Variants in RPS6KC1 observed in about 807,000 individuals in gnomAD.
The protein encoded by RPS6KC1 is ribosomal protein S6 kinase C1.
Under a neutral mutation model 103.8 loss-of-function variants are expected in RPS6KC1, and 54 were observed. The ratio of observed to expected loss-of-function variants is 0.52; its 90% confidence interval spans 0.42 to 0.65. The LOEUF (loss-of-function observed/expected upper bound fraction) is 0.65, where lower values mean the gene tolerates loss of function less well. Ranked by LOEUF, RPS6KC1 falls within the 30% of genes least tolerant of loss-of-function variation. The pLI is 0.00. For synonymous variants in RPS6KC1, 439 were observed against 438.7 expected, an observed-to-expected ratio of 1.00 and a Z score of -0.01; for missense variants, 1,151 against 1,253.8, an observed-to-expected ratio of 0.92 and a Z score of 1.24.
chr1:213,261,785 T>G, intron 13 of RPS6KC1, 145 bp downstream of exon 13: 1 of 653,372 alleles, frequency 1.5e-6, no homozygotes, highest in Non-Finnish European at 2.6e-6. Flanking sequence ...GAAATGCAAG[T>G]TTATCAAGAG....
intron 8 of RPS6KC1, among the ~76,000 whole-genome samples, chr1:213,218,309 A>T (rs2093725508): frequency 6.6e-6 from 1 of 152,158 alleles, no homozygotes; most frequent in African/African-American, 2.4e-5. Flanking sequence ...AATCCAACTT[A>T]CAAGGGACGT....
At chr1:213,577,309 T>C in the RPS6KC1 span, among the ~76,000 whole-genome samples, 1 of 152,234 alleles carries the variant, frequency 6.6e-6, no homozygotes, top group Non-Finnish European at 1.5e-5. Context: ...CCCCAAGCCA[T>C]GTGGAACTGA....
chr1:213,598,920 A>T, the RPS6KC1 span, among the ~76,000 whole-genome samples: 1 of 151,806 alleles, frequency 6.6e-6, no homozygotes, highest in South Asian at 2.1e-4. Flanking sequence ...TGTCTCAAAC[A>T]AAACAAAACA....
At chr1:213,089,370 T>C (rs1386541500) in intron 3 of RPS6KC1, among the ~76,000 whole-genome samples, 1 of 152,204 alleles carries the variant, frequency 6.6e-6, no homozygotes, top group Non-Finnish European at 1.5e-5. Flanking sequence ...AATGGTTCCT[T>C]ACTTTTTTTC....
chr1:213,692,722 G>A, the RPS6KC1 span, among the ~76,000 whole-genome samples: 1 of 152,144 alleles, frequency 6.6e-6, no homozygotes, highest in Non-Finnish European at 1.5e-5. Context: ...CTGCAATTTT[G>A]CCTCTTAATG....
the RPS6KC1 span, among the ~76,000 whole-genome samples, chr1:213,839,365 A>T: frequency 6.6e-6 from 1 of 152,188 alleles, no homozygotes; most frequent in African/African-American, 2.4e-5. Flanking sequence ...GGGCAAGGCT[A>T]GGATTGTTGA....
intron 6 of RPS6KC1, among the ~76,000 whole-genome samples, chr1:213,148,244 T>C (rs1440597468): frequency 6.6e-6 from 1 of 152,216 alleles, no homozygotes; most frequent in Non-Finnish European, 1.5e-5. Context: ...AAAGTGGGCA[T>C]CCTTGTCATG....
chr1:213,139,365 C>G (rs2086751339), intron 6 of RPS6KC1, among the ~76,000 whole-genome samples: 1 of 151,732 alleles, frequency 6.6e-6, no homozygotes, highest in Non-Finnish European at 1.5e-5. Context: ...GCCCAGTTGT[C>G]AGTGTTTTTG....
chr1:213,072,576 A>G (rs539355416), intron 2 of RPS6KC1, among the ~76,000 whole-genome samples: 1 of 151,788 alleles, frequency 6.6e-6, no homozygotes, highest in East Asian at 1.9e-4. Flanking sequence ...ATTTAATACT[A>G]TTTTCCTGAT....
chr1:213,475,342 C>G, the RPS6KC1 span, among the ~76,000 whole-genome samples: 5 of 152,196 alleles, frequency 3.3e-5, no homozygotes, highest in Non-Finnish European at 5.9e-5. Flanking sequence ...TTTGTCCCCC[C>G]TTTCAAAGGC....
At chr1:213,581,115 C>T in the RPS6KC1 span, among the ~76,000 whole-genome samples, 17 of 152,076 alleles carry the variant, frequency 1.1e-4, 1 homozygote, top group African/African-American at 4.1e-4. Context: ...GGCTGTGTTT[C>T]CCATGGCAGG....
the RPS6KC1 span, among the ~76,000 whole-genome samples, chr1:213,585,275 A>G: frequency 8.5e-5 from 13 of 152,164 alleles, no homozygotes; most frequent in Admixed American, 4.6e-4. Context: ...GTGGCTGTGG[A>G]TGGTGAATCC....
chr1:213,078,900 G>A lies in RPS6KC1; in HGVS notation c.262+1084G>A, dbSNP rs185209400. On this transcript the variant is annotated intron_variant, in intron 3 of 14. Transcript: ENST00000366960. ...CAGCAATAATACCATCTCCTAGATA[G>A]TATAATATTTTGGCATATTATTCTA... Among the ~76,000 whole-genome samples the A allele has an allele frequency of 3.4e-4, 51 of 152,158 alleles. 1 individual carries two copies. The highest frequency in any genetic ancestry group is 3.2e-3 in the Admixed American group (49 of 15,278).
the RPS6KC1 span, among the ~76,000 whole-genome samples, chr1:213,763,026 T>G: frequency 6.6e-6 from 1 of 151,956 alleles, no homozygotes; most frequent in African/African-American, 2.4e-5. Flanking sequence ...GCCCGGCTAA[T>G]TTTTGTATTT....
At chr1:213,205,536 T>TTATTTATATATATATATATATATA in intron 8 of RPS6KC1, 1 of 82,320 alleles carries the variant, frequency 1.2e-5, no homozygotes, top group East Asian at 3.4e-4. Flanking sequence ...ACAAACTCAT[T>TTATTTATATATATATATATATATA]TATATATATA....
chr1:213,777,270 A>G, the RPS6KC1 span, among the ~76,000 whole-genome samples: 5 of 152,146 alleles, frequency 3.3e-5, no homozygotes, highest in Admixed American at 3.3e-4. Flanking sequence ...CACTAAGCTT[A>G]ATCATTTCTA....
the RPS6KC1 span, among the ~76,000 whole-genome samples, chr1:213,531,369 A>C: frequency 6.6e-6 from 1 of 152,194 alleles, no homozygotes; most frequent in Admixed American, 6.5e-5. Flanking sequence ...GGAAACTTTA[A>C]TGTGACAAGC....
chr1:213,162,316 T>TG (rs972685649), intron 6 of RPS6KC1, among the ~76,000 whole-genome samples: 16 of 152,182 alleles, frequency 1.1e-4, no homozygotes, highest in African/African-American at 3.9e-4. Flanking sequence ...TATCTCTCTC[T>TG]GTTGCCCAGG....
At chr1:213,111,083 G>A (rs1185630027) in intron 4 of RPS6KC1, among the ~76,000 whole-genome samples, 1 of 151,832 alleles carries the variant, frequency 6.6e-6, no homozygotes, top group Non-Finnish European at 1.5e-5. Flanking sequence ...AGGAACTGAG[G>A]CAAGAACATC....
Sources: allele counts gnomAD v4.1 joint callset (sites outside exome capture counted in the v4.1 genomes callset), GRCh38; gene constraint gnomAD v4.1.1; transcripts MANE v1.5; gene names NCBI Gene and HGNC (gene_info 2026-07-23, HGNC 2026-07-21).